The following GADL1 variants were observed in gnomAD, a reference collection of about 807,000 sequenced individuals.
The protein encoded by GADL1 is acidic amino acid decarboxylase GADL1.
GADL1 carries 71 observed loss-of-function variants against 69.5 expected under a neutral mutation model. The ratio of observed to expected loss-of-function variants is 1.02; its 90% CI spans 0.84 to 1.25. GADL1 has a LOEUF of 1.25. Among genes scored for constraint, GADL1 ranks in the 50% most tolerant of loss-of-function variants. The pLI is 0.00. For missense variants in GADL1, 737 were observed against 631.8 expected, an observed-to-expected ratio of 1.17 and a Z score of -1.79; for synonymous variants, 254 against 214.4, an observed-to-expected ratio of 1.18 and a Z score of -1.62.
intron 1 of GADL1, among the ~76,000 whole-genome samples, chr3:30,882,761 C>T (rs1407102810): frequency 6.6e-6 from 1 of 151,848 alleles, no homozygotes; most frequent in Non-Finnish European, 1.5e-5. Flanking sequence ...AGCAGTTACA[C>T]CATTGTACAA....
chr3:30,812,452 CAA>C (rs1030268968), intron 11 of GADL1, among the ~76,000 whole-genome samples: 6 of 152,162 alleles, frequency 3.9e-5, no homozygotes, highest in South Asian at 2.1e-4. Flanking sequence ...TGGCAACAGA[CAA>C]GAGAACTTGT....
chr3:30,887,293 A>G (rs1280485105), intron 1 of GADL1, among the ~76,000 whole-genome samples: 2 of 152,202 alleles, frequency 1.3e-5, no homozygotes, highest in African/African-American at 2.4e-5. Context: ...TGAATTCCCA[A>G]TGTGGCAGTA....
intron 13 of GADL1, chr3:30,778,573 A>G: frequency 4.3e-6 from 1 of 229,994 alleles, no homozygotes; most frequent in Non-Finnish European, 8.6e-6. Context: ...CTGCTTACAT[A>G]CATGCTCAGA....
intron 9 of GADL1, among the ~76,000 whole-genome samples, chr3:30,834,822 C>T (rs1697847918): frequency 6.6e-6 from 1 of 151,930 alleles, no homozygotes; most frequent in African/African-American, 2.4e-5. Context: ...AAGCTTGGGA[C>T]AAAAGGAAGT....
chr3:30,875,381 C>G (rs756250179), intron 1 of GADL1, among the ~76,000 whole-genome samples: 1 of 151,840 alleles, frequency 6.6e-6, no homozygotes, highest in Non-Finnish European at 1.5e-5. Context: ...TATCCTCATT[C>G]CCATATGAGG....
Position 30,801,037 on chromosome 3 carries a change from C to T in GADL1, c.1102G>A (p.Asp368Asn), listed in dbSNP as rs766744682. The T allele has an allele frequency of 6.2e-7, 1 of 1,613,978 alleles. No homozygotes were observed. The highest frequency in any genetic ancestry group is 8.5e-7 in the Non-Finnish European group (1 of 1,179,934). ...SAKASYLFQQ[D>N]KFYDVSYDTG... is the part of the protein sequence containing the mutation. ...TCATAGCTCACATCATAGAATTTATCCTGCTGGAAGAGGTAAGATGCCTTG... is the reference window on the plus strand; with the variant it reads ...TCATAGCTCACATCATAGAATTTATTCTGCTGGAAGAGGTAAGATGCCTTG... Residue 368 changes from aspartate to asparagine, a missense_variant, in exon 12 of 15, where the codon GAT (aspartate) becomes AAT (asparagine). Transcript: ENST00000282538.
intron 14 of GADL1, among the ~76,000 whole-genome samples, chr3:30,735,800 C>G (rs1261057711): frequency 6.6e-6 from 1 of 152,084 alleles, no homozygotes; most frequent in African/African-American, 2.4e-5. Flanking sequence ...CATGGTGGAA[C>G]TTGAAGCTTT....
chr3:30,829,289 G>A (rs1697746902), intron 11 of GADL1, among the ~76,000 whole-genome samples: 1 of 151,726 alleles, frequency 6.6e-6, no homozygotes, highest in African/African-American at 2.4e-5. Flanking sequence ...CATCAGCTGT[G>A]CTTTGTTCCT....
chr3:30,843,499 GC>G (rs1450411398), intron 8 of GADL1, among the ~76,000 whole-genome samples: 2 of 151,878 alleles, frequency 1.3e-5, no homozygotes, highest in Non-Finnish European at 2.9e-5. Flanking sequence ...CTCATAATCT[GC>G]CCGCCTCAGC....
intron 14 of GADL1, among the ~76,000 whole-genome samples, chr3:30,742,563 A>G (rs1695642056): frequency 6.6e-6 from 1 of 152,032 alleles, no homozygotes; most frequent in South Asian, 2.1e-4. Flanking sequence ...TAAAATGAAC[A>G]TATTTGGGTC....
At chr3:30,751,701 C>A (rs145569685) in intron 14 of GADL1, among the ~76,000 whole-genome samples, 20 of 152,178 alleles carry the variant, frequency 1.3e-4, no homozygotes, top group African/African-American at 4.6e-4. Flanking sequence ...ACAATCGTGT[C>A]TCATAGACAC....
intron 14 of GADL1, 22 bp from the exon 15 acceptor site, chr3:30,728,437 G>A: frequency 1.2e-6 from 2 of 1,607,144 alleles, no homozygotes; most frequent in Non-Finnish European, 1.7e-6. Context: ...GAAAAGGGGA[G>A]AGGGGTGAAA....
chr3:30,732,741 A>T (rs1277167908), intron 14 of GADL1, among the ~76,000 whole-genome samples: 1 of 152,214 alleles, frequency 6.6e-6, no homozygotes, highest in East Asian at 1.9e-4. Flanking sequence ...CAGTGTTAAC[A>T]AGAACAGTTT....
chr3:30,863,027 T>TCTCACA (rs1553603176), intron 1 of GADL1, among the ~76,000 whole-genome samples: 21 of 110,142 alleles, frequency 1.9e-4, no homozygotes, highest in Admixed American at 1.1e-3. Flanking sequence ...CATGTCTGTT[T>TCTCACA]CACACACACA....
intron 6 of GADL1, among the ~76,000 whole-genome samples, chr3:30,845,377 A>C (rs1176934723): frequency 3.3e-5 from 5 of 152,166 alleles, no homozygotes; most frequent in Non-Finnish European, 1.5e-5. Flanking sequence ...TTTTCTTGCC[A>C]GAAAAATGAA....
intron 8 of GADL1, among the ~76,000 whole-genome samples, chr3:30,842,327 G>C (rs148758329): frequency 6.6e-6 from 1 of 150,578 alleles, no homozygotes; most frequent in South Asian, 2.1e-4. Context: ...AGATCAAATG[G>C]TATTATGTCT....
At chr3:30,755,263 A>AC (rs1328604486) in intron 14 of GADL1, among the ~76,000 whole-genome samples, 4 of 148,238 alleles carry the variant, frequency 2.7e-5, no homozygotes, top group Admixed American at 6.7e-5. Context: ...AAAGATGTTT[A>AC]CATGGTGAAA....
chr3:30,747,695 A>G (rs1695729095), intron 14 of GADL1, among the ~76,000 whole-genome samples: 1 of 152,218 alleles, frequency 6.6e-6, no homozygotes, highest in Non-Finnish European at 1.5e-5. Context: ...CTAAGAGAAT[A>G]TGAATGAAAG....
chr3:30,863,748 T>A (rs1698356108), intron 1 of GADL1, among the ~76,000 whole-genome samples: 1 of 151,988 alleles, frequency 6.6e-6, no homozygotes, highest in Non-Finnish European at 1.5e-5. Flanking sequence ...TTTCAAACAC[T>A]TCTACTCTTA....
Sources: allele counts gnomAD v4.1 joint callset (sites outside exome capture counted in the v4.1 genomes callset), GRCh38; gene constraint gnomAD v4.1.1; transcripts MANE v1.5; gene names NCBI Gene and HGNC (gene_info 2026-07-23, HGNC 2026-07-21).